The following CYP2R1 variants were observed in gnomAD, a reference collection of about 807,000 sequenced individuals.
CYP2R1 encodes cytochrome P450 family 2 subfamily R member 1.
Under a neutral mutation model 45.7 loss-of-function variants are expected in CYP2R1, and 40 were observed. That is an observed-to-expected ratio of 0.87 (90% CI 0.68 to 1.14). The LOEUF is 1.14. Among genes scored for constraint, CYP2R1 ranks in the 50% most tolerant of loss-of-function variants. The pLI is 0.00. For missense variants in CYP2R1, 605 were observed against 602.6 expected, an observed-to-expected ratio of 1.00 and a Z score of -0.04; for synonymous variants, 234 against 219.3, an observed-to-expected ratio of 1.07 and a Z score of -0.59.
Position 14,885,811 on chromosome 11 carries a change from C to G in CYP2R1, c.332G>C (p.Cys111Ser). Reference protein sequence around the residue: ...HQSEIFADRPCLPLFMKMTKM... With the variant: ...HQSEIFADRPSLPLFMKMTKM... ...TGTCATCTTCATGAATAAAGGAAGG[C>G]ATGGTCTGTCTGCAAAAATTTCGCT... Residue 111 changes from cysteine to serine, a missense_variant, in exon 2 of 5, where the codon TGC becomes TCC. Coordinates refer to ENST00000334636, the MANE Select transcript of CYP2R1 (RefSeq NM_024514.5). 1 of 1,613,260 alleles carries G rather than the reference C, an allele frequency of 6.2e-7. No individual in the cohort carries two copies. The highest frequency in any genetic ancestry group is 8.5e-7 in the Non-Finnish European group (1 of 1,179,780).
At chr11:14,879,048 A>G in intron 4 of CYP2R1, 66 bp downstream of exon 4, 1 of 1,267,446 alleles carries the variant, frequency 7.9e-7, no homozygotes, top group Non-Finnish European at 1.2e-6. Context: ...TCAGATTAAG[A>G]TGCTGTATCT....
chr11:14,883,379 G>A lies in CYP2R1; in HGVS notation c.367+2397C>T, dbSNP rs190770932. On this transcript the variant is annotated intron_variant, in intron 2 of 4. Coordinates refer to ENST00000334636, the MANE Select transcript of CYP2R1 (RefSeq NM_024514.5). ...GAACAGAGCCCTCAGAAATAATGCC[G>A]CATATCTACAACTATCTGATCTTTG... is the stretch of plus-strand genomic sequence containing the variant. Among the ~76,000 whole-genome samples, 1,059 of 152,130 alleles carry A rather than the reference G, an allele frequency of 7.0e-3. 10 individuals are homozygous for A. Among genetic ancestry groups the A allele is most frequent in the African/African-American group, 0.024 (1,005 of 41,524 alleles).
At chr11:14,883,293 G>C (rs1254201144) in intron 2 of CYP2R1, among the ~76,000 whole-genome samples, 1 of 152,044 alleles carries the variant, frequency 6.6e-6, no homozygotes, top group South Asian at 2.1e-4. Flanking sequence ...ATACTACAAG[G>C]CTACACTAAC....
At chr11:14,888,583 T>TTTTTCTCTCTGC (rs2134088237) in intron 1 of CYP2R1, among the ~76,000 whole-genome samples, 1 of 152,302 alleles carries the variant, frequency 6.6e-6, no homozygotes, top group Admixed American at 6.5e-5. Flanking sequence ...TGGGGCACTC[T>TTTTTCTCTCTGC]TTTTCTCTCT....
rs782770722 is a variant in CYP2R1 at position 14,880,161 on chromosome 11, G to T, written c.975C>A (p.Phe325Leu). The change falls in exon 3 of 5, where the codon TTC (phenylalanine) becomes TTA (leucine). Residue 325 changes from phenylalanine (F) to leucine (L), a missense_variant. Transcript: ENST00000334636. Reference protein sequence around the residue: ...TTNVLRWAILFMALYPNIQGQ... With the variant: ...TTNVLRWAILLMALYPNIQGQ... ...CTTGAATATTAGGATAAAGGGCCAT[G>T]AAAAGAATCGCCCACCGTAGCACAT... 6.2e-7 allele frequency: 1 copy of T among 1,612,594 alleles called. No homozygotes were observed. Among genetic ancestry groups the T allele is most frequent in the African/African-American group, 1.3e-5 (1 of 74,824 alleles).
At chr11:14,890,943 A>G (rs1457206260) in intron 1 of CYP2R1, 1 of 985,276 alleles carries the variant, frequency 1.0e-6, no homozygotes, top group Non-Finnish European at 1.2e-6. Context: ...TTTTCCTTCA[A>G]AACACTGACC....
intron 1 of CYP2R1, among the ~76,000 whole-genome samples, chr11:14,889,477 G>C (rs890493461): frequency 9.2e-5 from 14 of 152,180 alleles, no homozygotes; most frequent in African/African-American, 3.1e-4. Flanking sequence ...AAGGCATAGT[G>C]AGGCAAACAA....
intron 1 of CYP2R1, among the ~76,000 whole-genome samples, chr11:14,889,062 T>C (rs1452959629): frequency 6.6e-6 from 1 of 152,194 alleles, no homozygotes. Context: ...GAGGACTGGC[T>C]GTTTAACTTT....
At position 14,892,043 on chromosome 11, in the gene CYP2R1, G is replaced by C. The variant is rs782466828; in HGVS notation, c.163C>G (p.Leu55Val). Reference sequence around the variant, plus strand: ...TGGGGAAGCTCGGATGAGGCTGCCAGGGAATAGATGTTGCCGATAAATGGC... The same window carrying C: ...TGGGGAAGCTCGGATGAGGCTGCCACGGAATAGATGTTGCCGATAAATGGC... ...GLPFIGNIYS[L>V]AASSELPHVY... is the part of the protein sequence containing the mutation. Residue 55 changes from leucine to valine, a missense_variant, in exon 1 of 5, where the codon CTG becomes GTG. By Grantham distance (32) the Leu-to-Val change is conservative (BLOSUM62 1). Coordinates refer to ENST00000334636, the MANE Select transcript of CYP2R1 (RefSeq NM_024514.5). The C allele has an allele frequency of 1.9e-6, 3 of 1,613,118 alleles. No individual in the cohort carries two copies. The highest frequency in any genetic ancestry group is 1.3e-5 in the African/African-American group (1 of 74,932).
chr11:14,891,408 C>A, intron 1 of CYP2R1: 1 of 985,898 alleles, frequency 1.0e-6, no homozygotes, highest in Non-Finnish European at 1.2e-6. Context: ...GTCATCAATT[C>A]ATTCACGCGT....
At position 14,885,775 on chromosome 11, in the gene CYP2R1, C is replaced by T. The variant is rs202011621; in HGVS notation, c.367+1G>A. ...CACTAAATAGGTGCAAATAAACATACCTCCCATTTTTGTCATCTTCATGAA... is the reference window on the plus strand; with the variant it reads ...CACTAAATAGGTGCAAATAAACATATCTCCCATTTTTGTCATCTTCATGAA... On this transcript the variant is annotated splice_donor_variant, in intron 2 of 4. Coordinates refer to ENST00000334636, the MANE Select transcript of CYP2R1 (RefSeq NM_024514.5). LOFTEE classifies it high-confidence loss of function. 8 of 1,612,054 alleles carry T rather than the reference C, an allele frequency of 5.0e-6. No homozygotes were observed. The East Asian group carries it at 1.1e-4, about 22-fold the overall frequency.
intron 2 of CYP2R1, among the ~76,000 whole-genome samples, chr11:14,881,307 G>A (rs1848376562): frequency 6.6e-6 from 1 of 152,022 alleles, no homozygotes; most frequent in Non-Finnish European, 1.5e-5. Context: ...TCGAAATGCT[G>A]AAGTCAAAAA....
At chr11:14,891,063 TATAA>T (rs1848833748) in intron 1 of CYP2R1, 1 of 985,304 alleles carries the variant, frequency 1.0e-6, no homozygotes, top group African/African-American at 1.7e-5. Context: ...TGTAGTTGCA[TATAA>T]ATAAGTGTAA....
intron 1 of CYP2R1, chr11:14,890,962 T>C: frequency 1.0e-6 from 1 of 985,458 alleles, no homozygotes; most frequent in Non-Finnish European, 1.2e-6. Flanking sequence ...CCACAGCCTG[T>C]GGCCGATAAT....
chr11:14,886,045 T>C (rs1240284707), intron 1 of CYP2R1, 128 bp from the exon 2 acceptor site: 3 of 866,620 alleles, frequency 3.5e-6, no homozygotes, highest in Non-Finnish European at 5.6e-6. Context: ...TAGGCAGTTA[T>C]TACTCAACTG....
rs540598118 is a variant in CYP2R1 at position 14,877,900 on chromosome 11, T to C, written c.*222A>G. On this transcript the variant is annotated 3_prime_UTR_variant, in exon 5 of 5. Coordinates refer to ENST00000334636, the MANE Select transcript of CYP2R1 (RefSeq NM_024514.5). ...AAGCAACACCCATCATTTGCACCTT[T>C]GTGTCTCTCAACAGAGAATTTTACC... 9 of 532,108 alleles carry C rather than the reference T, an allele frequency of 1.7e-5. No individual in the cohort carries two copies. In the South Asian group the frequency reaches 2.2e-4, roughly 13 times the overall value. The allele number at this position is 532,108 out of a possible 1,614,324, so 33.0% of individuals were successfully genotyped here. A position where few individuals can be genotyped will look rare whatever the true frequency, so the allele number is the denominator to read the frequency against.
Position 14,880,180 on chromosome 11 carries a change from A to G in CYP2R1, c.956T>C (p.Leu319Pro). Residue 319 changes from leucine (L) to proline (P), a missense_variant, in exon 3 of 5, where the codon CTA becomes CCA. Physicochemically the swap from Leu to Pro is moderately conservative, Grantham distance 98. Coordinates refer to ENST00000334636, the MANE Select transcript of CYP2R1 (RefSeq NM_024514.5). ...IAGTETTTNV[L>P]RWAILFMALY... ...GGCCATGAAAAGAATCGCCCACCGT[A>G]GCACATTGGTTGTAGTTTCAGTTCC... 1 of 1,612,968 alleles carries G rather than the reference A, an allele frequency of 6.2e-7. No homozygotes were observed. The highest frequency in any genetic ancestry group is 8.5e-7 in the Non-Finnish European group (1 of 1,179,322).
intron 4 of CYP2R1, among the ~76,000 whole-genome samples, chr11:14,878,656 G>T (rs1848249974): frequency 6.6e-6 from 1 of 152,126 alleles, no homozygotes; most frequent in South Asian, 2.1e-4. Context: ...TTCTTCTCCA[G>T]TGAAGGGGAA....
chr11:14,885,028 T>C (rs2134059352), intron 2 of CYP2R1, among the ~76,000 whole-genome samples: 1 of 152,324 alleles, frequency 6.6e-6, no homozygotes, highest in Non-Finnish European at 1.5e-5. Flanking sequence ...TGATGTAATA[T>C]AGGATTTTAA....
Sources: allele counts gnomAD v4.1 joint callset (sites outside exome capture counted in the v4.1 genomes callset), GRCh38; gene constraint gnomAD v4.1.1; transcripts MANE v1.5; gene names NCBI Gene and HGNC (gene_info 2026-07-23, HGNC 2026-07-21).